Variants in SHISA9 observed in about 807,000 individuals in gnomAD.
SHISA9 encodes protein shisa-9.
SHISA9 carries 13 observed loss-of-function variants against 38.0 expected under a neutral mutation model. That is an observed-to-expected ratio of 0.34 (90% CI 0.22 to 0.54). SHISA9 has a LOEUF of 0.54. SHISA9 is among the 20% of genes least tolerant of loss of function. The pLI is 0.91. For missense variants in SHISA9, 538 were observed against 575.8 expected (o/e 0.93, Z 0.67); for synonymous variants, 275 against 242.0 (o/e 1.14, Z -1.27).
chr16:12,990,315 G>A (rs1305873779), intron 2 of SHISA9, among the ~76,000 whole-genome samples: 1 of 152,040 alleles, frequency 6.6e-6, no homozygotes, highest in Non-Finnish European at 1.5e-5. Context: ...AGGATTGCTG[G>A]GCCAAATGGT....
intron 2 of SHISA9, among the ~76,000 whole-genome samples, chr16:13,119,776 G>C (rs116871404): frequency 6.6e-6 from 1 of 152,116 alleles, no homozygotes; most frequent in Non-Finnish European, 1.5e-5. Flanking sequence ...TTAGCTCAAG[G>C]TAAACATGTT....
At chr16:13,425,159 C>A in the SHISA9 span, among the ~76,000 whole-genome samples, 2 of 152,196 alleles carry the variant, frequency 1.3e-5, no homozygotes, top group South Asian at 4.1e-4. Context: ...AATTGGTATA[C>A]ATGGGCATAA....
the SHISA9 span, among the ~76,000 whole-genome samples, chr16:13,323,688 C>T: frequency 1.3e-5 from 2 of 152,166 alleles, no homozygotes; most frequent in Non-Finnish European, 2.9e-5. Flanking sequence ...AACTTCCTCA[C>T]AAGGTGGCAG....
At chr16:12,936,200 G>A (rs1023583555) in intron 2 of SHISA9, among the ~76,000 whole-genome samples, 1 of 152,176 alleles carries the variant, frequency 6.6e-6, no homozygotes, top group African/African-American at 2.4e-5. Context: ...AAGCTCTCCA[G>A]CAATCTCAAA....
intron 2 of SHISA9, among the ~76,000 whole-genome samples, chr16:13,175,572 A>C (rs150076): frequency 0.28 from 41,898 of 151,976 alleles, 6,031 homozygotes; most frequent in Middle Eastern, 0.31. Flanking sequence ...GCTGGCCAGG[A>C]AGAAGGTGAA....
At chr16:12,955,075 T>G (rs994406643) in intron 2 of SHISA9, among the ~76,000 whole-genome samples, 1 of 152,032 alleles carries the variant, frequency 6.6e-6, no homozygotes, top group African/African-American at 2.4e-5. Context: ...TTTTTATTCT[T>G]GCCTAGTGTT....
At chr16:13,537,013 A>G in the SHISA9 span, among the ~76,000 whole-genome samples, 3 of 152,190 alleles carry the variant, frequency 2.0e-5, no homozygotes, top group African/African-American at 7.2e-5. Flanking sequence ...CAAGCTTAAC[A>G]TGTTTCATAA....
At chr16:13,386,440 T>G in the SHISA9 span, among the ~76,000 whole-genome samples, 1 of 152,198 alleles carries the variant, frequency 6.6e-6, no homozygotes, top group Non-Finnish European at 1.5e-5. Flanking sequence ...CAAATTCTGA[T>G]TCCACCACTC....
At chr16:13,052,320 T>C (rs1324586470) in intron 2 of SHISA9, among the ~76,000 whole-genome samples, 3 of 152,226 alleles carry the variant, frequency 2.0e-5, no homozygotes, top group Non-Finnish European at 2.9e-5. Context: ...AAATAGTTTT[T>C]CTGTAATAAC....
the SHISA9 span, among the ~76,000 whole-genome samples, chr16:13,486,463 G>A: frequency 6.6e-6 from 1 of 152,154 alleles, no homozygotes; most frequent in East Asian, 1.9e-4. Context: ...TCAGCATCCA[G>A]GTGGCAGACT....
chr16:12,987,474 C>A (rs567728749), intron 2 of SHISA9, among the ~76,000 whole-genome samples: 1 of 152,160 alleles, frequency 6.6e-6, no homozygotes, highest in Non-Finnish European at 1.5e-5. Context: ...AGCCATCCTC[C>A]TCAGCAAACT....
At chr16:13,056,999 C>A (rs537905718) in intron 2 of SHISA9, among the ~76,000 whole-genome samples, 1 of 152,104 alleles carries the variant, frequency 6.6e-6, no homozygotes, top group African/African-American at 2.4e-5. Context: ...GTGAGGCTAG[C>A]AAAGGGGAGT....
At chr16:13,508,733 G>C in the SHISA9 span, among the ~76,000 whole-genome samples, 3 of 152,198 alleles carry the variant, frequency 2.0e-5, no homozygotes, top group African/African-American at 4.8e-5. Context: ...CAGAAATGTG[G>C]ATGTATTTTC....
intron 2 of SHISA9, among the ~76,000 whole-genome samples, chr16:13,147,589 A>C (rs1002649612): frequency 4.7e-5 from 7 of 150,278 alleles, no homozygotes; most frequent in African/African-American, 1.7e-4. Flanking sequence ...CAGCCTCCCG[A>C]GTAGCTGGGA....
intron 2 of SHISA9, among the ~76,000 whole-genome samples, chr16:13,192,750 C>G (rs112371857): frequency 9.2e-5 from 14 of 152,076 alleles, no homozygotes; most frequent in Non-Finnish European, 1.8e-4. Flanking sequence ...TGGCACGCAC[C>G]TGTGGTCCCA....
At chr16:13,424,246 C>T in the SHISA9 span, among the ~76,000 whole-genome samples, 4 of 152,228 alleles carry the variant, frequency 2.6e-5, no homozygotes, top group Non-Finnish European at 4.4e-5. Flanking sequence ...TAATCTGTTA[C>T]AGTGCTCCGC....
At chr16:13,512,660 C>T in the SHISA9 span, among the ~76,000 whole-genome samples, 4 of 152,056 alleles carry the variant, frequency 2.6e-5, no homozygotes, top group East Asian at 5.8e-4. Context: ...CCAAAACAGA[C>T]ATATAGACCA....
the SHISA9 span, among the ~76,000 whole-genome samples, chr16:13,482,880 GT>G: frequency 1.3e-5 from 2 of 151,692 alleles, no homozygotes; most frequent in East Asian, 3.9e-4. Flanking sequence ...ACCTAGATCT[GT>G]CTAACTCTAC....
chr16:12,922,485 G>A (rs1197489777), intron 2 of SHISA9, among the ~76,000 whole-genome samples: 1 of 152,116 alleles, frequency 6.6e-6, no homozygotes, highest in Non-Finnish European at 1.5e-5. Flanking sequence ...GTCTACATCT[G>A]CCCCTCAAGT....
Sources: gnomAD v4.1 joint callset for allele counts (sites outside exome capture counted in the v4.1 genomes callset) on GRCh38, gnomAD v4.1.1 for gene constraint, MANE v1.5 for transcripts, NCBI Gene and HGNC (gene_info 2026-07-23, HGNC 2026-07-21) for gene names.